MALRD1: variants seen among roughly 807,000 people sequenced by gnomAD.
MALRD1 encodes the protein MAM and LDL receptor class A domain containing 1.
A neutral mutation model predicts 242.1 loss-of-function variants in MALRD1; 247 were observed. The ratio of observed to expected loss-of-function variants is 1.02; its 90% CI spans 0.92 to 1.13. MALRD1 has a LOEUF of 1.13. Ranked by LOEUF, MALRD1 falls within the 50% of genes most tolerant of loss-of-function variation. The pLI is 0.00. For missense variants in MALRD1, 2,989 were observed against 2,533.1 expected, an observed-to-expected ratio of 1.18 and a Z score of -3.86; for synonymous variants, 995 against 866.6, an observed-to-expected ratio of 1.15 and a Z score of -2.60.
intron 36 of MALRD1, among the ~76,000 whole-genome samples, chr10:19,632,340 C>T (rs1022827455): frequency 2.0e-5 from 3 of 152,032 alleles, no homozygotes; most frequent in Non-Finnish European, 4.4e-5. Context: ...TGCTATCTTC[C>T]GTAGGCCAAG....
At chr10:19,545,975 T>C (rs1054864156) in intron 32 of MALRD1, among the ~76,000 whole-genome samples, 15 of 152,196 alleles carry the variant, frequency 9.9e-5, no homozygotes, top group African/African-American at 3.6e-4. Flanking sequence ...CCCCCTTTCA[T>C]ATTTGCCTGT....
chr10:19,603,233 A>G (rs1056186140), intron 34 of MALRD1, among the ~76,000 whole-genome samples: 4 of 152,174 alleles, frequency 2.6e-5, no homozygotes, highest in Admixed American at 6.5e-5. Flanking sequence ...TTTTGTTGTC[A>G]TTGCTTTTGG....
chr10:19,680,948 T>C (rs921712498), intron 36 of MALRD1, among the ~76,000 whole-genome samples: 4 of 152,206 alleles, frequency 2.6e-5, no homozygotes, highest in Non-Finnish European at 5.9e-5. Flanking sequence ...AATTATTGTC[T>C]TTAAGAATGT....
At chr10:19,290,487 A>G (rs1841363272) in intron 21 of MALRD1, 1 of 152,222 alleles carries the variant, frequency 6.6e-6, no homozygotes, top group Admixed American at 6.5e-5. Context: ...ATGGAAAGAT[A>G]AAGTAAAAAT....
At chr10:19,444,173 C>G (rs1473645455) in intron 28 of MALRD1, among the ~76,000 whole-genome samples, 1 of 152,112 alleles carries the variant, frequency 6.6e-6, no homozygotes, top group African/African-American at 2.4e-5. Flanking sequence ...AGATCTTCCT[C>G]CATCCCTTTA....
intron 18 of MALRD1, among the ~76,000 whole-genome samples, chr10:19,252,646 A>G (rs1489831751): frequency 6.6e-6 from 1 of 151,998 alleles, no homozygotes; most frequent in Non-Finnish European, 1.5e-5. Context: ...TGTCTCTACT[A>G]TTACCACAAT....
At chr10:19,163,314 G>A (rs1834522935) in intron 12 of MALRD1, among the ~76,000 whole-genome samples, 1 of 151,938 alleles carries the variant, frequency 6.6e-6, no homozygotes, top group Non-Finnish European at 1.5e-5. Context: ...TGCGGAATAT[G>A]CAGCCATAAA....
At chr10:19,355,449 GTATT>G (rs1439265923) in intron 26 of MALRD1, among the ~76,000 whole-genome samples, 7 of 151,648 alleles carry the variant, frequency 4.6e-5, no homozygotes, top group African/African-American at 1.5e-4. Context: ...ATAAAAAAGA[GTATT>G]CATTCATATA....
intron 5 of MALRD1, among the ~76,000 whole-genome samples, chr10:19,117,460 C>G (rs1254332237): frequency 1.4e-5 from 2 of 147,304 alleles, no homozygotes; most frequent in Non-Finnish European, 1.5e-5. Flanking sequence ...TTTTTTTTGT[C>G]TTGTGTAAAT....
At chr10:19,253,536 A>C (rs1564504872) in intron 18 of MALRD1, among the ~76,000 whole-genome samples, 1 of 151,934 alleles carries the variant, frequency 6.6e-6, no homozygotes, top group Non-Finnish European at 1.5e-5. Flanking sequence ...ATCAGCACAT[A>C]CTCAAGTCCT....
At chr10:19,441,761 A>G (rs1834666245) in intron 28 of MALRD1, among the ~76,000 whole-genome samples, 1 of 152,192 alleles carries the variant, frequency 6.6e-6, no homozygotes, top group African/African-American at 2.4e-5. Flanking sequence ...GAAGTCAGGT[A>G]GCATGATGCC....
chr10:19,189,157 A>G (rs540476879), intron 14 of MALRD1, among the ~76,000 whole-genome samples: 4 of 152,244 alleles, frequency 2.6e-5, no homozygotes, highest in African/African-American at 9.6e-5. Flanking sequence ...AAAAAAGATT[A>G]TAAGATTAGA....
chr10:19,281,329 G>T (rs1240621917), intron 20 of MALRD1, among the ~76,000 whole-genome samples: 2 of 152,136 alleles, frequency 1.3e-5, no homozygotes, highest in African/African-American at 4.8e-5. Context: ...TATATAAGTT[G>T]TAGTGTTTGT....
At chr10:19,240,496 A>T (rs188788288) in intron 18 of MALRD1, among the ~76,000 whole-genome samples, 9 of 152,118 alleles carry the variant, frequency 5.9e-5, no homozygotes, top group Middle Eastern at 3.4e-3. Context: ...TGTATGTGAG[A>T]TCACATTTTC....
At chr10:19,112,860 A>G (rs1005737270) in intron 5 of MALRD1, among the ~76,000 whole-genome samples, 3 of 152,148 alleles carry the variant, frequency 2.0e-5, no homozygotes, top group African/African-American at 7.2e-5. Context: ...TTCTTTCAAA[A>G]TCTGTTCCCT....
intron 26 of MALRD1, among the ~76,000 whole-genome samples, chr10:19,360,456 T>A (rs1243012503): frequency 2.6e-5 from 4 of 152,148 alleles, no homozygotes; most frequent in African/African-American, 7.2e-5. Context: ...ATATTTGTCC[T>A]AAGGACTAAA....
At chr10:19,189,378 C>T (rs1298975453) in intron 14 of MALRD1, among the ~76,000 whole-genome samples, 2 of 151,860 alleles carry the variant, frequency 1.3e-5, no homozygotes, top group Non-Finnish European at 2.9e-5. Flanking sequence ...TGAAGTTTGC[C>T]AAGTATGTAA....
In MALRD1 at chr10:19,680,322, C is replaced by T. The variant is rs1355418871; in HGVS notation, c.6138-11960C>T. Among the ~76,000 whole-genome samples the T allele has an allele frequency of 3.3e-5, 5 of 150,992 alleles. No individual in the cohort carries two copies. The East Asian group carries it at 9.7e-4, about 29-fold the overall frequency. ...ACTTGTTTTATGAATCTGGGAGCTC[C>T]TGTATTGGGTACATATATATTTAGA... On this transcript the variant is annotated intron_variant, in intron 36 of 39. Coordinates refer to ENST00000454679, the MANE Select transcript of MALRD1 (RefSeq NM_001142308.3).
chr10:19,347,109 G>A (rs928830157), intron 24 of MALRD1, among the ~76,000 whole-genome samples: 5 of 151,956 alleles, frequency 3.3e-5, no homozygotes, highest in Admixed American at 6.6e-5. Context: ...TTTACTTGCC[G>A]CACGATAAAA....
Sources: gnomAD v4.1 joint callset for allele counts (sites outside exome capture counted in the v4.1 genomes callset) on GRCh38, gnomAD v4.1.1 for gene constraint, MANE v1.5 for transcripts, NCBI Gene and HGNC (gene_info 2026-07-23, HGNC 2026-07-21) for gene names.